The following CHST9 variants were observed in gnomAD, a reference collection of about 807,000 sequenced individuals.
The protein encoded by CHST9 is carbohydrate sulfotransferase 9.
A neutral mutation model predicts 44.4 loss-of-function variants in CHST9; 41 were observed. That is an observed-to-expected ratio of 0.92 (90% confidence interval 0.72 to 1.20). The LOEUF is 1.20. Ranked by LOEUF, CHST9 falls within the 50% of genes most tolerant of loss-of-function variation. CHST9 has a pLI of 0.00. For missense variants in CHST9, 504 were observed against 516.5 expected (o/e 0.98, Z 0.23); for synonymous variants, 171 against 178.4 (o/e 0.96, Z 0.33).
At chr18:27,178,585 A>G (rs2058886464) in intron 1 of CHST9, among the ~76,000 whole-genome samples, 1 of 151,980 alleles carries the variant, frequency 6.6e-6, no homozygotes, top group African/African-American at 2.4e-5. Context: ...CTGGGATCCT[A>G]CACCCTCCTG....
intron 4 of CHST9, among the ~76,000 whole-genome samples, chr18:27,008,350 G>T (rs1414947238): frequency 6.6e-6 from 1 of 152,152 alleles, no homozygotes; most frequent in Non-Finnish European, 1.5e-5. Context: ...AACTAAAGAA[G>T]TAATTTCAGC....
intron 1 of CHST9, among the ~76,000 whole-genome samples, chr18:27,156,423 G>A (rs1290325354): frequency 6.6e-6 from 1 of 152,096 alleles, no homozygotes; most frequent in Non-Finnish European, 1.5e-5. Context: ...TTCTGTTTCA[G>A]TGATGACAGT....
At chr18:27,094,093 A>G (rs894718826) in intron 2 of CHST9, among the ~76,000 whole-genome samples, 1 of 152,070 alleles carries the variant, frequency 6.6e-6, no homozygotes, top group African/African-American at 2.4e-5. Flanking sequence ...ATGGAAACTA[A>G]TTTTTTCCTA....
intron 4 of CHST9, among the ~76,000 whole-genome samples, chr18:27,001,579 A>G (rs2056953906): frequency 6.6e-6 from 1 of 152,100 alleles, no homozygotes; most frequent in African/African-American, 2.4e-5. Context: ...GCCTGCCTCT[A>G]ACTTTGTCTT....
chr18:27,048,742 T>G (rs111683661), intron 2 of CHST9, among the ~76,000 whole-genome samples: 21 of 152,308 alleles, frequency 1.4e-4, no homozygotes, highest in African/African-American at 4.8e-4. Flanking sequence ...TAAAATCTTG[T>G]TAGCCAGAGT....
At chr18:27,152,651 T>C (rs1005785501) in intron 1 of CHST9, among the ~76,000 whole-genome samples, 1 of 152,198 alleles carries the variant, frequency 6.6e-6, no homozygotes, top group Admixed American at 6.5e-5. Context: ...TTAACCAACA[T>C]ATGTTGAGAA....
chr18:26,920,925 G>T (rs2145057579), intron 5 of CHST9, among the ~76,000 whole-genome samples: 1 of 152,264 alleles, frequency 6.6e-6, no homozygotes, highest in Admixed American at 6.5e-5. Context: ...TCGAGGGCTT[G>T]CCAGCAATCC....
chr18:27,031,130 AATT>A (rs1258384310), intron 3 of CHST9, among the ~76,000 whole-genome samples: 1 of 151,990 alleles, frequency 6.6e-6, no homozygotes, highest in African/African-American at 2.4e-5. Context: ...TCTCTCTCTC[AATT>A]ATTTCACTCT....
chr18:26,925,825 T>C (rs1157888054), intron 5 of CHST9: 1 of 152,222 alleles, frequency 6.6e-6, no homozygotes, highest in African/African-American at 2.4e-5. Context: ...AGGCGCTGAA[T>C]ATTTTTGAGC....
intron 1 of CHST9, among the ~76,000 whole-genome samples, chr18:27,182,703 A>G (rs969568667): frequency 1.3e-5 from 2 of 152,216 alleles, no homozygotes; most frequent in African/African-American, 4.8e-5. Flanking sequence ...TGCTTTATTG[A>G]TGACATCAAC....
At chr18:27,043,920 T>C (rs750201897) in intron 3 of CHST9, among the ~76,000 whole-genome samples, 1 of 152,106 alleles carries the variant, frequency 6.6e-6, no homozygotes, top group Non-Finnish European at 1.5e-5. Context: ...TCCAGGCTTA[T>C]TAAATCACTA....
intron 4 of CHST9, among the ~76,000 whole-genome samples, chr18:26,954,441 T>C (rs2056294189): frequency 6.6e-6 from 1 of 152,134 alleles, no homozygotes; most frequent in Non-Finnish European, 1.5e-5. Context: ...CAGTTGCCAC[T>C]CTGGCTCTCT....
chr18:27,060,200 T>A (rs913543439), intron 2 of CHST9, among the ~76,000 whole-genome samples: 1 of 152,074 alleles, frequency 6.6e-6, no homozygotes, highest in African/African-American at 2.4e-5. Context: ...AAATTCACAG[T>A]CAAGGTTCAG....
chr18:26,910,968 A>G lies in CHST9; in HGVS notation c.*5291T>C, dbSNP rs2055432595. 6.6e-6 allele frequency: 1 copy of G among 152,164 alleles called. No individual in the cohort carries two copies. Among genetic ancestry groups the G allele is most frequent in the South Asian group, 2.1e-4 (1 of 4,832 alleles). 9.4% of individuals were successfully genotyped at this position (152,164 alleles called of 1,614,324 possible). On this transcript the variant is annotated 3_prime_UTR_variant, in exon 6 of 6. Transcript: ENST00000618847. Reference sequence around the variant, plus strand: ...TTCTCAAAATTTTCTTCCCCAAACAATCAAGCAACTGCTATTTCTTAGAAA... The same window carrying G: ...TTCTCAAAATTTTCTTCCCCAAACAGTCAAGCAACTGCTATTTCTTAGAAA...
chr18:27,103,144 T>C (rs1598726652), intron 2 of CHST9, among the ~76,000 whole-genome samples: 1 of 152,176 alleles, frequency 6.6e-6, no homozygotes, highest in Non-Finnish European at 1.5e-5. Flanking sequence ...AGAGACACCT[T>C]CTCTAACCTT....
At chr18:27,080,089 T>C (rs1464793321) in intron 2 of CHST9, among the ~76,000 whole-genome samples, 1 of 152,088 alleles carries the variant, frequency 6.6e-6, no homozygotes, top group African/African-American at 2.4e-5. Flanking sequence ...TGGTCCAAGT[T>C]CTATAGAGAG....
intron 4 of CHST9, among the ~76,000 whole-genome samples, chr18:27,012,724 T>A (rs1395460423): frequency 6.6e-6 from 1 of 152,146 alleles, no homozygotes; most frequent in Non-Finnish European, 1.5e-5. Flanking sequence ...ACAGACAGGA[T>A]GTAGTGAACT....
At chr18:27,042,233 G>A (rs1458914715) in intron 3 of CHST9, among the ~76,000 whole-genome samples, 1 of 152,078 alleles carries the variant, frequency 6.6e-6, no homozygotes, top group Admixed American at 6.6e-5. Context: ...CACAGGTCTG[G>A]GTTCAAGTCT....
intron 4 of CHST9, among the ~76,000 whole-genome samples, chr18:27,008,879 C>T (rs2145240941): frequency 6.6e-6 from 1 of 151,612 alleles, no homozygotes; most frequent in Non-Finnish European, 1.5e-5. Context: ...AGGATTGCAG[C>T]AGGTTCTTGT....
Sources: gnomAD v4.1 joint callset for allele counts (sites outside exome capture counted in the v4.1 genomes callset) on GRCh38, gnomAD v4.1.1 for gene constraint, MANE v1.5 for transcripts, NCBI Gene and HGNC (gene_info 2026-07-23, HGNC 2026-07-21) for gene names.